GPC5: variants seen among roughly 807,000 people sequenced by gnomAD.
GPC5 encodes the protein glypican 5.
Under a neutral mutation model 53.9 loss-of-function variants are expected in GPC5, and 47 were observed. That is an observed-to-expected ratio of 0.87 (90% CI 0.69 to 1.11). The LOEUF (loss-of-function observed/expected upper bound fraction) is 1.11. GPC5 is among the 50% of genes most tolerant of loss of function. The pLI is 0.00. For missense variants in GPC5, 748 were observed against 713.1 expected (o/e 1.05, Z -0.56); for synonymous variants, 286 against 263.3 (o/e 1.09, Z -0.84).
At chr13:92,717,567 C>T (rs1439484323) in intron 7 of GPC5, among the ~76,000 whole-genome samples, 1 of 152,140 alleles carries the variant, frequency 6.6e-6, no homozygotes, top group Non-Finnish European at 1.5e-5. Context: ...ACACTTTCTC[C>T]TTCTTCTCCT....
intron 2 of GPC5, among the ~76,000 whole-genome samples, chr13:91,475,809 T>A (rs1882895397): frequency 6.6e-6 from 1 of 152,162 alleles, no homozygotes; most frequent in African/African-American, 2.4e-5. Context: ...CACGGTAAAT[T>A]CTGTCTGTAT....
chr13:92,232,889 G>C (rs946580066), intron 7 of GPC5, among the ~76,000 whole-genome samples: 1 of 152,174 alleles, frequency 6.6e-6, no homozygotes, highest in African/African-American at 2.4e-5. Context: ...ATTCAAGCAA[G>C]AGTATTGAAG....
At chr13:92,646,880 G>T (rs1885787745) in intron 7 of GPC5, among the ~76,000 whole-genome samples, 1 of 148,544 alleles carries the variant, frequency 6.7e-6, no homozygotes, top group African/African-American at 2.5e-5. Context: ...CTAACTATCT[G>T]TAAACATATA....
intron 7 of GPC5, among the ~76,000 whole-genome samples, chr13:92,842,684 C>T (rs150503999): frequency 1.1e-3 from 154 of 143,834 alleles, no homozygotes; most frequent in Non-Finnish European, 1.9e-3. Flanking sequence ...TTTCCAATGA[C>T]AAGATTAAGG....
intron 6 of GPC5, among the ~76,000 whole-genome samples, chr13:92,111,508 T>A (rs1199581178): frequency 2.0e-5 from 3 of 152,144 alleles, no homozygotes; most frequent in Non-Finnish European, 4.4e-5. Context: ...TACTTATTTA[T>A]ACTTATTTTC....
At chr13:92,583,046 T>C (rs1883421094) in intron 7 of GPC5, among the ~76,000 whole-genome samples, 1 of 150,812 alleles carries the variant, frequency 6.6e-6, no homozygotes, top group African/African-American at 2.4e-5. Flanking sequence ...GTGGTAAGAG[T>C]GGACATCCTT....
chr13:91,985,596 CAT>C (rs1253874763), intron 6 of GPC5, among the ~76,000 whole-genome samples: 6 of 151,996 alleles, frequency 3.9e-5, no homozygotes, highest in Admixed American at 1.3e-4. Context: ...TTCAGTTACA[CAT>C]GTTTATTCAT....
intron 3 of GPC5, among the ~76,000 whole-genome samples, chr13:91,714,862 A>G (rs965619969): frequency 2.0e-5 from 3 of 152,182 alleles, no homozygotes; most frequent in African/African-American, 7.2e-5. Flanking sequence ...AACCCACGGT[A>G]GAAGAAAACA....
chr13:92,370,775 TTATTA>T (rs1314889467), intron 7 of GPC5, among the ~76,000 whole-genome samples: 1 of 152,198 alleles, frequency 6.6e-6, no homozygotes, highest in Non-Finnish European at 1.5e-5. Flanking sequence ...TATGATTAGT[TTATTA>T]TATTTTGTTG....
chr13:91,694,820 G>C (rs1446651733), intron 3 of GPC5, among the ~76,000 whole-genome samples: 1 of 152,182 alleles, frequency 6.6e-6, no homozygotes, highest in East Asian at 1.9e-4. Context: ...TGTTGGTCAG[G>C]CTGGTCTCGA....
chr13:91,981,092 G>A (rs1055448597), intron 6 of GPC5, among the ~76,000 whole-genome samples: 8 of 152,144 alleles, frequency 5.3e-5, no homozygotes, highest in African/African-American at 1.4e-4. Context: ...GTGAGTATAT[G>A]TATGCATTTC....
intron 7 of GPC5, among the ~76,000 whole-genome samples, chr13:92,266,403 G>A (rs2042802650): frequency 6.6e-6 from 1 of 152,052 alleles, no homozygotes; most frequent in African/African-American, 2.4e-5. Flanking sequence ...GCTCTCTTCT[G>A]GAGCTTTTTC....
intron 1 of GPC5, among the ~76,000 whole-genome samples, chr13:91,433,398 T>C (rs1226214020): frequency 7.2e-6 from 1 of 138,752 alleles, no homozygotes; most frequent in Non-Finnish European, 1.6e-5. Context: ...CCCCTTCCTG[T>C]GTCCATGTGT....
chr13:91,839,815 A>G (rs1195637989), intron 5 of GPC5, among the ~76,000 whole-genome samples: 2 of 152,050 alleles, frequency 1.3e-5, no homozygotes, highest in African/African-American at 4.8e-5. Context: ...TTTTTTTCAA[A>G]TTGTATCATT....
At chr13:91,613,149 A>G (rs1186426604) in intron 2 of GPC5, among the ~76,000 whole-genome samples, 1 of 152,212 alleles carries the variant, frequency 6.6e-6, no homozygotes, top group African/African-American at 2.4e-5. Context: ...CCTATTCAAT[A>G]TATGACATTA....
chr13:91,661,419 C>A (rs572183830), intron 2 of GPC5, among the ~76,000 whole-genome samples: 231 of 152,330 alleles, frequency 1.5e-3, no homozygotes, highest in Middle Eastern at 0.01. Context: ...GGCCTGAGTT[C>A]AGGTGCAGCC....
intron 2 of GPC5, among the ~76,000 whole-genome samples, chr13:91,647,505 C>T (rs2139529670): frequency 6.6e-6 from 1 of 152,362 alleles, no homozygotes; most frequent in South Asian, 2.1e-4. Context: ...AGAGCTCTGA[C>T]ATCATTTCTG....
intron 6 of GPC5, among the ~76,000 whole-genome samples, chr13:91,967,046 A>C (rs893889491): frequency 6.6e-6 from 1 of 152,230 alleles, no homozygotes; most frequent in Non-Finnish European, 1.5e-5. Flanking sequence ...TAATTTATAA[A>C]GAAAAAGAAG....
chr13:92,856,728 T>C (rs1879013464), intron 7 of GPC5, among the ~76,000 whole-genome samples: 1 of 151,984 alleles, frequency 6.6e-6, no homozygotes. Context: ...ATAATCCCAT[T>C]TGTAATAGCC....
Sources: gnomAD v4.1 joint callset for allele counts (sites outside exome capture counted in the v4.1 genomes callset) on GRCh38, gnomAD v4.1.1 for gene constraint, MANE v1.5 for transcripts, NCBI Gene and HGNC (gene_info 2026-07-23, HGNC 2026-07-21) for gene names.